The following KCNK10 variants were observed in gnomAD, a reference collection of about 807,000 sequenced individuals.
KCNK10 encodes the protein potassium two pore domain channel subfamily K member 10.
Under a neutral mutation model 47.7 loss-of-function variants are expected in KCNK10, and 25 were observed. That is an observed-to-expected ratio of 0.52 (90% confidence interval 0.38 to 0.73). The LOEUF (loss-of-function observed/expected upper bound fraction) is 0.73, where lower values mean the gene tolerates loss of function less well. Among genes scored for constraint, KCNK10 ranks in the 30% least tolerant of loss-of-function variants. The pLI is 0.00. For synonymous variants in KCNK10, 303 were observed against 285.6 expected (o/e 1.06, Z -0.61); for missense variants, 563 against 714.5 (o/e 0.79, Z 2.42).
At chr14:88,214,150 G>T (rs1247675575) in intron 4 of KCNK10, among the ~76,000 whole-genome samples, 1 of 151,942 alleles carries the variant, frequency 6.6e-6, no homozygotes, top group Non-Finnish European at 1.5e-5. Context: ...TGTTGATCAG[G>T]CTGGTCTTGA....
chr14:88,293,221 G>T (rs1887916215), intron 1 of KCNK10, among the ~76,000 whole-genome samples: 1 of 152,070 alleles, frequency 6.6e-6, no homozygotes, highest in Non-Finnish European at 1.5e-5. Context: ...AACTGCTATA[G>T]CCACCCCTTC....
At chr14:88,305,762 G>C (rs1012507876) in intron 1 of KCNK10, among the ~76,000 whole-genome samples, 3 of 152,212 alleles carry the variant, frequency 2.0e-5, no homozygotes, top group Non-Finnish European at 2.9e-5. Context: ...TTAGAGAAAA[G>C]AGAAAGGGCT....
At chr14:88,270,879 C>T in intron 1 of KCNK10, 1 of 777,934 alleles carries the variant, frequency 1.3e-6, no homozygotes, top group Non-Finnish European at 2.4e-6. Context: ...GCGCCACCAA[C>T]ATTCAGAGTA....
chr14:88,250,082 G>C (rs890734698), intron 2 of KCNK10, among the ~76,000 whole-genome samples: 3 of 152,114 alleles, frequency 2.0e-5, no homozygotes, highest in Non-Finnish European at 2.9e-5. Flanking sequence ...AGTCACAGGA[G>C]CATTCACTTC....
In KCNK10 at chr14:88,322,743, C is replaced by A. The variant is rs1888573451; in HGVS notation, c.52+4G>T. The A allele has an allele frequency of 5.6e-6, 9 of 1,614,118 alleles. No individual in the cohort carries two copies. The highest frequency in any genetic ancestry group is 7.6e-6 in the Non-Finnish European group (9 of 1,180,004). ...GAGGGCAGCCAAAAGTAGGAAACAC[C>A]CACCTTTAGGATCCCAGTTCACCTG... On this transcript the variant is annotated splice_donor_region_variant and intron_variant, in intron 1 of 6. Transcript: ENST00000319231. This position sits in a 1 kb window ranked among gnomAD's most constrained non-coding sequence, Gnocchi z 4.8.
chr14:88,226,092 CTA>C (rs1403123290), intron 4 of KCNK10, among the ~76,000 whole-genome samples: 1 of 152,228 alleles, frequency 6.6e-6, no homozygotes, highest in African/African-American at 2.4e-5. Flanking sequence ...GCCCTGGGCT[CTA>C]TATGTCTGCC....
chr14:88,293,371 T>C (rs58536385), intron 1 of KCNK10, among the ~76,000 whole-genome samples: 55,229 of 152,060 alleles, frequency 0.36, 10,351 homozygotes, highest in South Asian at 0.48. Context: ...TAGAATAGCA[T>C]AGTTGATTTT....
chr14:88,201,409 G>A (rs964344352), intron 4 of KCNK10, among the ~76,000 whole-genome samples: 2 of 152,196 alleles, frequency 1.3e-5, no homozygotes, highest in African/African-American at 4.8e-5. Context: ...TGTAATCCCA[G>A]CACTTTGGGA....
At chr14:88,192,185 C>T (rs200780271) in intron 5 of KCNK10, 39 bp downstream of exon 5, 251 of 1,551,446 alleles carry the variant, frequency 1.6e-4, no homozygotes, top group Non-Finnish European at 2.0e-4. Context: ...TTATTTTTCC[C>T]GCCAGAGCCC....
chr14:88,192,365 G>C lies in KCNK10; in HGVS notation c.727C>G (p.Leu243Val). ...QTKIRVISTI[L>V]FILAGCIVFV... ...ACAATGCAGCCGGCCAAGATGAACA[G>C]GATGGTTGAGATGACCCGGATCTTG... Residue 243 changes from leucine to valine, a missense_variant, in exon 5 of 7, where the codon CTG becomes GTG. Leu to Val is a conservative substitution (Grantham distance 32). Coordinates refer to ENST00000319231, the MANE Select transcript of KCNK10 (RefSeq NM_138317.3). 1 of 1,614,096 alleles carries C rather than the reference G, an allele frequency of 6.2e-7. No homozygotes were observed. Among genetic ancestry groups the C allele is most frequent in the Non-Finnish European group, 8.5e-7 (1 of 1,180,018 alleles).
intron 3 of KCNK10, among the ~76,000 whole-genome samples, chr14:88,229,079 C>T (rs2139874586): frequency 1.3e-5 from 2 of 152,296 alleles, no homozygotes; most frequent in Middle Eastern, 3.4e-3. Flanking sequence ...TGTGAAAACA[C>T]TGAAGACCCC....
chr14:88,213,171 A>G (rs1290871242), intron 4 of KCNK10, among the ~76,000 whole-genome samples: 3 of 152,182 alleles, frequency 2.0e-5, no homozygotes, highest in Non-Finnish European at 2.9e-5. Flanking sequence ...TGATGAGCAC[A>G]CTCAATTCAA....
intron 1 of KCNK10, among the ~76,000 whole-genome samples, chr14:88,268,706 C>T (rs964639665): frequency 5.3e-5 from 8 of 152,180 alleles, no homozygotes; most frequent in East Asian, 1.9e-4. Flanking sequence ...CCCTACAAAA[C>T]GTATCAATAA....
intron 2 of KCNK10, among the ~76,000 whole-genome samples, chr14:88,262,337 T>G (rs1887133771): frequency 6.6e-6 from 1 of 152,192 alleles, no homozygotes; most frequent in South Asian, 2.1e-4. Flanking sequence ...ACGTCCAAGG[T>G]GAAGCCCTCC....
intron 1 of KCNK10, among the ~76,000 whole-genome samples, chr14:88,300,529 T>C (rs1888070781): frequency 6.6e-6 from 1 of 152,168 alleles, no homozygotes; most frequent in Admixed American, 6.5e-5. Flanking sequence ...AAGGCCAACA[T>C]GCCAGAAAAC....
intron 1 of KCNK10, among the ~76,000 whole-genome samples, chr14:88,277,113 C>T (rs532466853): frequency 8.2e-4 from 125 of 152,260 alleles, no homozygotes; most frequent in African/African-American, 2.9e-3. Flanking sequence ...CAACACACTG[C>T]TTTGCAAGCA....
intron 4 of KCNK10, among the ~76,000 whole-genome samples, chr14:88,194,485 T>A (rs1884846001): frequency 6.6e-6 from 1 of 152,144 alleles, no homozygotes; most frequent in South Asian, 2.1e-4. Context: ...GAAGTTAAAG[T>A]GAATTAAATG....
At chr14:88,276,646 C>T (rs1042546502) in intron 1 of KCNK10, among the ~76,000 whole-genome samples, 1 of 152,204 alleles carries the variant, frequency 6.6e-6, no homozygotes, top group Admixed American at 6.5e-5. Context: ...CAACTTCCTC[C>T]CCTTTTGTCT....
chr14:88,303,261 C>T (rs936878993), intron 1 of KCNK10, among the ~76,000 whole-genome samples: 1 of 152,174 alleles, frequency 6.6e-6, no homozygotes, highest in South Asian at 2.1e-4. Context: ...ACTCTCTTAA[C>T]AGTCAATGTC....
Sources: allele counts gnomAD v4.1 joint callset (sites outside exome capture counted in the v4.1 genomes callset), GRCh38; gene constraint gnomAD v4.1.1; non-coding constraint Gnocchi (gnomAD v3.1); transcripts MANE v1.5; gene names NCBI Gene and HGNC (gene_info 2026-07-23, HGNC 2026-07-21).